Variants in MGAT4C observed in about 807,000 individuals in gnomAD.
MGAT4C encodes alpha-1,3-mannosyl-glycoprotein 4-beta-N-acetylglucosaminyltransferase C.
A neutral mutation model predicts 40.1 loss-of-function variants in MGAT4C; 19 were observed. The ratio of observed to expected loss-of-function variants is 0.47; its 90% CI spans 0.33 to 0.70. The LOEUF (loss-of-function observed/expected upper bound fraction) is 0.70, where lower values mean the gene tolerates loss of function less well. MGAT4C is among the 30% of genes least tolerant of loss of function. MGAT4C has a pLI of 0.02. For synonymous variants in MGAT4C, 181 were observed against 187.1 expected (o/e 0.97, Z 0.27); for missense variants, 491 against 563.2 (o/e 0.87, Z 1.30).
chr12:86,523,227 G>A (rs11503292), intron 2 of MGAT4C, among the ~76,000 whole-genome samples: 1,666 of 151,984 alleles, frequency 0.011, 26 homozygotes, highest in African/African-American at 0.037. Context: ...GTTGGCATTC[G>A]GTGCTATAAA....
intron 2 of MGAT4C, among the ~76,000 whole-genome samples, chr12:86,477,165 A>C (rs538158087): frequency 6.6e-6 from 1 of 152,146 alleles, no homozygotes; most frequent in African/African-American, 2.4e-5. Context: ...TGTATTTATA[A>C]GTAAAATTGA....
chr12:86,110,304 A>ATATATATAGAC (rs1877122615), intron 1 of MGAT4C, among the ~76,000 whole-genome samples: 4 of 101,378 alleles, frequency 3.9e-5, no homozygotes, highest in Admixed American at 9.9e-5. Flanking sequence ...GTCTCTCTAT[A>ATATATATAGAC]TATATATATA....
chr12:86,018,329 C>G (rs1446228420), intron 2 of MGAT4C, among the ~76,000 whole-genome samples: 1 of 152,130 alleles, frequency 6.6e-6, no homozygotes, highest in Admixed American at 6.5e-5. Flanking sequence ...TTACATTCCC[C>G]AAATCATAAG....
chr12:86,153,014 C>A (rs1179229280), intron 1 of MGAT4C, among the ~76,000 whole-genome samples: 3 of 152,092 alleles, frequency 2.0e-5, no homozygotes, highest in South Asian at 4.1e-4. Flanking sequence ...CCTGATAGTA[C>A]AAACTGTTAC....
At chr12:86,330,070 G>A (rs965351960) in intron 4 of MGAT4C, among the ~76,000 whole-genome samples, 1 of 152,168 alleles carries the variant, frequency 6.6e-6, no homozygotes, top group African/African-American at 2.4e-5. Context: ...ATTGTAGACT[G>A]AGTATTTTAA....
intron 3 of MGAT4C, among the ~76,000 whole-genome samples, chr12:86,393,376 T>G (rs1956191480): frequency 6.6e-6 from 1 of 152,152 alleles, no homozygotes; most frequent in African/African-American, 2.4e-5. Context: ...ACCTGAAGCT[T>G]TTTTATTTCT....
chr12:86,834,589 C>T (rs1952998587), intron 1 of MGAT4C, among the ~76,000 whole-genome samples: 1 of 143,616 alleles, frequency 7.0e-6, no homozygotes, highest in African/African-American at 2.5e-5. Context: ...TGATGATTAC[C>T]TACTGTCTAC....
chr12:86,027,774 C>G (rs959546782), intron 2 of MGAT4C, among the ~76,000 whole-genome samples: 9 of 151,898 alleles, frequency 5.9e-5, no homozygotes, highest in African/African-American at 1.9e-4. Flanking sequence ...CCATGGCCCT[C>G]ATTATAGCTT....
rs182555636 is a variant in MGAT4C, at chr12:86,614,618, A to G, written c.-229+112591T>C. Among the ~76,000 whole-genome samples the G allele has an allele frequency of 1.3e-4, 20 of 151,966 alleles. No homozygotes were observed. The East Asian group carries it at 3.5e-3, about 26-fold the overall frequency. ...ATTTTTAAGCACTGATTACCTGAAA[A>G]CAAGTGAAGTTAAACAATATATTTG... On this transcript the variant is annotated intron_variant, in intron 2 of 7. Coordinates refer to the MGAT4C transcript ENST00000548651.
intron 1 of MGAT4C, among the ~76,000 whole-genome samples, chr12:86,185,732 A>T (rs1888684416): frequency 6.6e-6 from 1 of 152,158 alleles, no homozygotes. Context: ...AATTATCTTA[A>T]AGATTCTCTC....
intron 2 of MGAT4C, among the ~76,000 whole-genome samples, chr12:86,603,683 A>G (rs1961916530): frequency 7.7e-6 from 1 of 129,484 alleles, no homozygotes; most frequent in African/African-American, 2.9e-5. Context: ...TATATATACT[A>G]TATATAGACT....
At chr12:86,338,991 AAGAG>A (rs1234207023) in intron 3 of MGAT4C, among the ~76,000 whole-genome samples, 2 of 150,306 alleles carry the variant, frequency 1.3e-5, no homozygotes, top group Non-Finnish European at 3.0e-5. Flanking sequence ...AACAGAGAGA[AAGAG>A]AGAAAGAGCT....
chr12:86,699,711 T>C lies in MGAT4C; in HGVS notation c.-229+27498A>G, dbSNP rs893891842. Reference sequence around the variant, plus strand: ...ACTCATATTTTATATTATATCATGTTATATACTATATTCTTACAACAAAAT... The same window carrying C: ...ACTCATATTTTATATTATATCATGTCATATACTATATTCTTACAACAAAAT... On this transcript the variant is annotated intron_variant, in intron 2 of 7. Transcript: ENST00000548651. 5.3e-5 allele frequency among the ~76,000 whole-genome samples: 8 copies of C among 152,182 alleles called. 1 individual carries two copies. The highest frequency in any genetic ancestry group is 7.3e-5 in the Non-Finnish European group (5 of 68,046).
Position 86,629,863 on chromosome 12 carries a change from C to A in MGAT4C, c.-229+97346G>T, listed in dbSNP as rs565053456. On this transcript the variant is annotated intron_variant, in intron 2 of 7. Transcript: ENST00000548651. ...AAAGAACTAGAGAAGCAAGAGCAAA[C>A]ACATTCAAAAGCTAGCAGAAGGCAA... 2.8e-4 allele frequency among the ~76,000 whole-genome samples: 43 copies of A among 152,202 alleles called. 1 individual carries two copies. The highest frequency in any genetic ancestry group is 1.2e-3 in the Admixed American group (19 of 15,278).
rs549526656 is a variant in MGAT4C at position 86,470,459 on chromosome 12, TCCC to T, written c.-228-35197_-228-35195del. ...TAAGACAGCCCACACTCCACTCCCTTCCCCCAACACCAAATGTGAGCCTATCAT... is the reference window on the plus strand; with the variant it reads ...TAAGACAGCCCACACTCCACTCCCTTCCAACACCAAATGTGAGCCTATCAT... On this transcript the variant is annotated intron_variant, in intron 2 of 7. Coordinates refer to the MGAT4C transcript ENST00000548651. Among the ~76,000 whole-genome samples, 37 of 152,066 alleles carry T rather than the reference TCCC, an allele frequency of 2.4e-4. No homozygotes were observed. The South Asian group carries it at 4.2e-3, about 17-fold the overall frequency.
At chr12:86,659,732 G>C (rs947541569) in intron 2 of MGAT4C, among the ~76,000 whole-genome samples, 1 of 151,980 alleles carries the variant, frequency 6.6e-6, no homozygotes, top group African/African-American at 2.4e-5. Context: ...ACTCATTGGA[G>C]GTTATGGTTC....
intron 3 of MGAT4C, among the ~76,000 whole-genome samples, chr12:86,417,837 C>T (rs574584104): frequency 1.3e-5 from 2 of 152,066 alleles, no homozygotes; most frequent in South Asian, 4.1e-4. Context: ...TATTTTATCA[C>T]ATACTTTACA....
chr12:86,742,499 C>CATGAGTATG (rs1239661516), intron 1 of MGAT4C, among the ~76,000 whole-genome samples: 2 of 151,450 alleles, frequency 1.3e-5, no homozygotes, highest in African/African-American at 4.8e-5. Flanking sequence ...CACCTTGCTC[C>CATGAGTATG]ATGAGTATGA....
At chr12:86,665,882 T>C (rs1964093081) in intron 2 of MGAT4C, among the ~76,000 whole-genome samples, 1 of 152,112 alleles carries the variant, frequency 6.6e-6, no homozygotes, top group Admixed American at 6.6e-5. Context: ...TGCTTGCATC[T>C]TTATCTAAAA....
Sources: gnomAD v4.1 joint callset for allele counts (sites outside exome capture counted in the v4.1 genomes callset) on GRCh38, gnomAD v4.1.1 for gene constraint, MANE v1.5 for transcripts, NCBI Gene and HGNC (gene_info 2026-07-23, HGNC 2026-07-21) for gene names.